Variants in CMSS1 observed in about 807,000 individuals in gnomAD.
The protein encoded by CMSS1 is protein CMSS1.
Under a neutral mutation model 43.5 loss-of-function variants are expected in CMSS1, and 33 were observed. That is an observed-to-expected ratio of 0.76 (90% confidence interval 0.57 to 1.01). The LOEUF (loss-of-function observed/expected upper bound fraction) is 1.01. CMSS1 is among the 50% of genes least tolerant of loss of function. The pLI is 0.00. For synonymous variants in CMSS1, 115 were observed against 117.2 expected (o/e 0.98, Z 0.12); for missense variants, 313 against 326.4 (o/e 0.96, Z 0.32).
At chr3:100,161,849 A>T (rs1458540717) in intron 3 of CMSS1, among the ~76,000 whole-genome samples, 2 of 152,184 alleles carry the variant, frequency 1.3e-5, no homozygotes, top group Non-Finnish European at 2.9e-5. Context: ...CTATGCTCAG[A>T]TTCCTACTGC....
chr3:99,991,950 G>C (rs1355378499), intron 1 of CMSS1, among the ~76,000 whole-genome samples: 2 of 144,580 alleles, frequency 1.4e-5, no homozygotes, highest in Non-Finnish European at 3.0e-5. Context: ...GTATATATGT[G>C]TATATATGTG....
intron 1 of CMSS1, among the ~76,000 whole-genome samples, chr3:99,944,597 C>G (rs965857358): frequency 5.3e-5 from 8 of 152,176 alleles, no homozygotes; most frequent in African/African-American, 1.7e-4. Context: ...GTTAAAGTAA[C>G]CGAAACCTAA....
chr3:100,125,594 A>T (rs527936963), intron 1 of CMSS1, among the ~76,000 whole-genome samples: 8 of 152,242 alleles, frequency 5.3e-5, no homozygotes, highest in African/African-American at 1.9e-4. Flanking sequence ...TTCATATGAC[A>T]TAACACCTTA....
intron 1 of CMSS1, among the ~76,000 whole-genome samples, chr3:100,117,825 G>GTATATATATATATATATA (rs1166983737): frequency 1.3e-5 from 1 of 75,140 alleles, no homozygotes; most frequent in Non-Finnish European, 2.4e-5. Flanking sequence ...ATAAACTGCA[G>GTATATATATATATATATA]TATATATATA....
intron 1 of CMSS1, among the ~76,000 whole-genome samples, chr3:99,846,722 A>G (rs1374210711): frequency 6.6e-6 from 1 of 152,220 alleles, no homozygotes; most frequent in African/African-American, 2.4e-5. Flanking sequence ...CTATCATGAA[A>G]TTGATTTTGT....
intron 1 of CMSS1, among the ~76,000 whole-genome samples, chr3:100,078,911 T>C (rs548859751): frequency 6.6e-6 from 1 of 151,924 alleles, no homozygotes; most frequent in South Asian, 2.1e-4. Context: ...GAAAAAAAGA[T>C]TGCAAAAAAT....
intron 1 of CMSS1, among the ~76,000 whole-genome samples, chr3:100,109,087 TA>T (rs5851196): frequency 0.4 from 58,125 of 144,676 alleles, 11,263 homozygotes; most frequent in South Asian, 0.46. Flanking sequence ...AACTGTCTCT[TA>T]AAAAAAAAAA....
At chr3:99,863,884 C>T (rs1944381414) in intron 1 of CMSS1, among the ~76,000 whole-genome samples, 1 of 152,178 alleles carries the variant, frequency 6.6e-6, no homozygotes, top group African/African-American at 2.4e-5. Flanking sequence ...ACAAAAGTAG[C>T]TTACAAACAC....
intron 2 of CMSS1, among the ~76,000 whole-genome samples, chr3:100,155,494 A>C (rs1338314006): frequency 2.0e-5 from 3 of 152,126 alleles, no homozygotes; most frequent in African/African-American, 7.2e-5. Context: ...GTTTTGCTGC[A>C]AAACTCCATA....
At chr3:99,862,856 C>T (rs1040702178) in intron 1 of CMSS1, among the ~76,000 whole-genome samples, 3 of 152,324 alleles carry the variant, frequency 2.0e-5, no homozygotes, top group Admixed American at 2.0e-4. Flanking sequence ...AGCTCTTCTC[C>T]CTTCCTGGAA....
rs1576090481 is a variant in CMSS1, at chr3:100,128,083, C to T, written c.65-18890C>T. Among the ~76,000 whole-genome samples the T allele has an allele frequency of 2.6e-5, 4 of 152,348 alleles. No homozygotes were observed. The South Asian group carries it at 6.2e-4, about 24-fold the overall frequency. On this transcript the variant is annotated intron_variant, in intron 1 of 9. Transcript: ENST00000421999. ...GGCCTCATGCCTTGTCAAGCCTGGG[C>T]TATGAAACATGGAGATAATAATGAG... is the stretch of plus-strand genomic sequence containing the variant.
intron 1 of CMSS1, among the ~76,000 whole-genome samples, chr3:100,122,359 C>T (rs1321995995): frequency 6.6e-6 from 1 of 152,176 alleles, no homozygotes; most frequent in Non-Finnish European, 1.5e-5. Flanking sequence ...TGTGAAGACT[C>T]AAGATCTTCC....
intron 1 of CMSS1, among the ~76,000 whole-genome samples, chr3:100,006,154 T>C (rs372518631): frequency 1.3e-5 from 2 of 152,184 alleles, no homozygotes; most frequent in East Asian, 3.8e-4. Context: ...CAGGTAGGTA[T>C]ACTGGTGGTT....
At chr3:100,133,878 G>A (rs1484044564) in intron 1 of CMSS1, among the ~76,000 whole-genome samples, 1 of 152,190 alleles carries the variant, frequency 6.6e-6, no homozygotes, top group Admixed American at 6.5e-5. Flanking sequence ...GAGAAGCTGG[G>A]TGAGAAAATT....
chr3:100,020,179 C>T (rs1462692692), intron 1 of CMSS1, among the ~76,000 whole-genome samples: 1 of 152,036 alleles, frequency 6.6e-6, no homozygotes, highest in Non-Finnish European at 1.5e-5. Flanking sequence ...TTTTAAAAGC[C>T]TTGTATCTTC....
At chr3:99,882,396 G>A (rs1402053599) in intron 1 of CMSS1, among the ~76,000 whole-genome samples, 10 of 152,140 alleles carry the variant, frequency 6.6e-5, no homozygotes, top group Non-Finnish European at 8.8e-5. Flanking sequence ...GTCAGTGGTG[G>A]TGGTAAGACT....
chr3:100,036,301 G>C (rs1464242388), intron 1 of CMSS1, among the ~76,000 whole-genome samples: 1 of 152,054 alleles, frequency 6.6e-6, no homozygotes, highest in Non-Finnish European at 1.5e-5. Flanking sequence ...CTGACTGCAG[G>C]GCTGTTGGAG....
intron 1 of CMSS1, 38 bp downstream of exon 1, chr3:99,818,081 C>G (rs765510032): frequency 1.3e-6 from 2 of 1,598,276 alleles, no homozygotes; most frequent in South Asian, 1.1e-5. Context: ...GGGGCCTCTC[C>G]CGGAGCCCTT....
At chr3:99,956,355 CTTTG>C (rs1708319128) in intron 1 of CMSS1, among the ~76,000 whole-genome samples, 1 of 152,076 alleles carries the variant, frequency 6.6e-6, no homozygotes, top group African/African-American at 2.4e-5. Flanking sequence ...TCCATCTAAG[CTTTG>C]TTTGTTTTTG....
Sources: allele counts gnomAD v4.1 joint callset (sites outside exome capture counted in the v4.1 genomes callset), GRCh38; gene constraint gnomAD v4.1.1; transcripts MANE v1.5; gene names NCBI Gene and HGNC (gene_info 2026-07-23, HGNC 2026-07-21).